Variants in ATXN1 observed in about 807,000 individuals in gnomAD.
ATXN1 encodes ataxin-1.
In ATXN1, 8 loss-of-function variants were observed where a neutral mutation model predicts 56.4. The observed-to-expected ratio is 0.14, with a 90% CI of 0.08 to 0.26. ATXN1 has a LOEUF of 0.26. Among genes scored for constraint, ATXN1 ranks in the 10% least tolerant of loss-of-function variants. The pLI is 1.00. For missense variants in ATXN1, 987 were observed against 1,106.5 expected (o/e 0.89, Z 1.53); for synonymous variants, 514 against 494.6 (o/e 1.04, Z -0.52).
At position 16,474,488 on chromosome 6, in the gene ATXN1, C is replaced by A. The variant is rs781302360; in HGVS notation, c.-161+11484G>T. 2.6e-5 allele frequency among the ~76,000 whole-genome samples: 4 copies of A among 152,214 alleles called. No homozygotes were observed. In the East Asian group the frequency reaches 5.8e-4, roughly 22 times the overall value. On this transcript the variant is annotated intron_variant, in intron 6 of 7. Transcript: ENST00000436367. ...GTGAGTGAGACCATGCTGGATTAAC[C>A]AGTCCCAGCCAAGCTGGCCCAGACT...
chr6:16,457,895 G>A (rs1028073356), intron 6 of ATXN1, among the ~76,000 whole-genome samples: 8 of 152,188 alleles, frequency 5.3e-5, no homozygotes, highest in African/African-American at 1.7e-4. Flanking sequence ...TAAGCTGTAG[G>A]GGGAGGGGAA....
intron 4 of ATXN1, among the ~76,000 whole-genome samples, chr6:16,578,297 C>T (rs1762461090): frequency 6.6e-6 from 1 of 152,186 alleles, no homozygotes; most frequent in Non-Finnish European, 1.5e-5. Context: ...CTGAGGATTT[C>T]TAACTATGTT....
chr6:16,422,237 G>A (rs1221789413), intron 6 of ATXN1, among the ~76,000 whole-genome samples: 2 of 152,148 alleles, frequency 1.3e-5, no homozygotes, highest in Non-Finnish European at 2.9e-5. Context: ...GTACTCCGGC[G>A]ACACACTGAG....
intron 6 of ATXN1, among the ~76,000 whole-genome samples, chr6:16,459,345 G>C (rs983398792): frequency 6.6e-6 from 1 of 152,078 alleles, no homozygotes; most frequent in African/African-American, 2.4e-5. Flanking sequence ...CCTTATCAAA[G>C]GCAATATCTC....
At chr6:16,601,160 C>G (rs1351654427) in intron 3 of ATXN1, among the ~76,000 whole-genome samples, 1 of 152,196 alleles carries the variant, frequency 6.6e-6, no homozygotes. Flanking sequence ...TAAGTTATTT[C>G]ATAGGTAACT....
intron 2 of ATXN1, among the ~76,000 whole-genome samples, chr6:16,725,294 T>C (rs1487047783): frequency 6.6e-6 from 1 of 152,244 alleles, no homozygotes; most frequent in Non-Finnish European, 1.5e-5. Context: ...ATTACTCCGA[T>C]ACTGCGTGTT....
intron 2 of ATXN1, among the ~76,000 whole-genome samples, chr6:16,658,453 C>CTTGACAAA (rs1554123708): frequency 6.6e-6 from 1 of 151,564 alleles, no homozygotes; most frequent in African/African-American, 2.4e-5. Flanking sequence ...TTGTGTGATT[C>CTTGACAAA]TTGATAAATA....
rs71554577 is a variant in ATXN1 at position 16,453,972 on chromosome 6, C to A, written c.-161+32000G>T. 2.2e-4 allele frequency among the ~76,000 whole-genome samples: 34 copies of A among 152,026 alleles called. No individual in the cohort carries two copies. In the East Asian group the frequency reaches 6.4e-3, roughly 29 times the overall value. ...CCTGGCCAACATGGCAAAACCCCGT[C>A]TCTACTAAAACTACAAAAAAGGTTA... On this transcript the variant is annotated intron_variant, in intron 6 of 7. Transcript: ENST00000436367.
intron 6 of ATXN1, among the ~76,000 whole-genome samples, chr6:16,416,864 T>C (rs1365898700): frequency 2.6e-5 from 4 of 152,188 alleles, no homozygotes; most frequent in Non-Finnish European, 4.4e-5. Context: ...CGTGTATCAT[T>C]GCATACTCAG....
At chr6:16,669,209 A>T (rs1420772171) in intron 2 of ATXN1, among the ~76,000 whole-genome samples, 1 of 152,236 alleles carries the variant, frequency 6.6e-6, no homozygotes, top group Non-Finnish European at 1.5e-5. Flanking sequence ...TCTGTGCAGA[A>T]GTTAAGAAAG....
At chr6:16,645,468 C>G (rs1234708530) in intron 3 of ATXN1, among the ~76,000 whole-genome samples, 4 of 152,080 alleles carry the variant, frequency 2.6e-5, no homozygotes, top group Non-Finnish European at 4.4e-5. Context: ...TGCTTAGCAA[C>G]GTGGACTTAA....
At chr6:16,411,848 T>A (rs1189402050) in intron 6 of ATXN1, among the ~76,000 whole-genome samples, 1 of 152,242 alleles carries the variant, frequency 6.6e-6, no homozygotes, top group Non-Finnish European at 1.5e-5. Context: ...TGATAAGATA[T>A]GCCACATATC....
chr6:16,538,477 A>G (rs1761647707), intron 4 of ATXN1, among the ~76,000 whole-genome samples: 1 of 151,994 alleles, frequency 6.6e-6, no homozygotes, highest in Admixed American at 6.5e-5. Flanking sequence ...ACATGTGCAC[A>G]ACATGCAGGT....
chr6:16,468,261 C>T (rs921433904), intron 6 of ATXN1, among the ~76,000 whole-genome samples: 1 of 152,248 alleles, frequency 6.6e-6, no homozygotes, highest in Non-Finnish European at 1.5e-5. Context: ...TCTTGGCTCA[C>T]TGCAAGCTCC....
At chr6:16,355,562 T>C (rs1761668732) in intron 6 of ATXN1, among the ~76,000 whole-genome samples, 2 of 17,054 alleles carry the variant, frequency 1.2e-4, no homozygotes, top group African/African-American at 1.1e-4. Flanking sequence ...CACCCACCCT[T>C]TTTTTTTTTT....
chr6:16,544,994 C>G (rs1325310904), intron 4 of ATXN1, among the ~76,000 whole-genome samples: 1 of 152,116 alleles, frequency 6.6e-6, no homozygotes, highest in African/African-American at 2.4e-5. Flanking sequence ...TAAAACAACA[C>G]CAAGGTCTTC....
intron 3 of ATXN1, among the ~76,000 whole-genome samples, chr6:16,591,592 C>T (rs1762724257): frequency 6.6e-6 from 1 of 152,170 alleles, no homozygotes; most frequent in African/African-American, 2.4e-5. Context: ...TAAGATTCAG[C>T]TCGATGTCAC....
chr6:16,477,866 C>T (rs1760357284), intron 6 of ATXN1, among the ~76,000 whole-genome samples: 1 of 152,112 alleles, frequency 6.6e-6, no homozygotes, highest in South Asian at 2.1e-4. Flanking sequence ...AGTGACACTC[C>T]CATGATACAC....
At chr6:16,474,642 C>G (rs1403021155) in intron 6 of ATXN1, among the ~76,000 whole-genome samples, 2 of 152,178 alleles carry the variant, frequency 1.3e-5, no homozygotes, top group Non-Finnish European at 2.9e-5. Flanking sequence ...ACTCCTCATT[C>G]AAGTCTGAGG....
Sources: gnomAD v4.1 joint callset for allele counts (sites outside exome capture counted in the v4.1 genomes callset) on GRCh38, gnomAD v4.1.1 for gene constraint, MANE v1.5 for transcripts, NCBI Gene and HGNC (gene_info 2026-07-23, HGNC 2026-07-21) for gene names.